Variants in TMEM178B observed in about 807,000 individuals in gnomAD.
TMEM178B encodes the protein transmembrane protein 178B.
In TMEM178B, 5 loss-of-function variants were observed where a neutral mutation model predicts 31.0. That is an observed-to-expected ratio of 0.16 (90% CI 0.08 to 0.34). The LOEUF is 0.34. Among genes scored for constraint, TMEM178B ranks in the 10% least tolerant of loss-of-function variants. TMEM178B has a pLI of 1.00. For missense variants in TMEM178B, 275 were observed against 400.3 expected (o/e 0.69, Z 2.67); for synonymous variants, 164 against 164.0 (o/e 1.00, Z 0.00).
chr7:141,482,837 G>A (rs1802499985), downstream of TMEM178B, among the ~76,000 whole-genome samples: 1 of 145,568 alleles, frequency 6.9e-6, no homozygotes, highest in Admixed American at 7.2e-5. Flanking sequence ...AATACTGTGA[G>A]AAAACATGGA....
chr7:141,406,104 A>G (rs1211707353), intron 2 of TMEM178B, among the ~76,000 whole-genome samples: 1 of 152,180 alleles, frequency 6.6e-6, no homozygotes, highest in Non-Finnish European at 1.5e-5. Flanking sequence ...TTCACTGCAC[A>G]TTGTATGTTA....
chr7:141,240,864 T>A (rs6464433), intron 2 of TMEM178B, among the ~76,000 whole-genome samples: 129,181 of 152,026 alleles, frequency 0.85, 55,090 homozygotes, highest in East Asian at 0.99. Flanking sequence ...CTAGCTTTTG[T>A]TAAGTTTTCT....
chr7:141,118,237 A>C (rs1167054169), intron 1 of TMEM178B, among the ~76,000 whole-genome samples: 1 of 152,006 alleles, frequency 6.6e-6, no homozygotes, highest in Non-Finnish European at 1.5e-5. Context: ...TTGGCCTCCA[A>C]CTCAAACTGG....
At chr7:141,326,627 T>G (rs1799194799) in intron 2 of TMEM178B, among the ~76,000 whole-genome samples, 1 of 152,180 alleles carries the variant, frequency 6.6e-6, no homozygotes, top group South Asian at 2.1e-4. Context: ...ATAAATAGTT[T>G]TATTGGAACA....
At chr7:141,387,583 A>G (rs1800456318) in intron 2 of TMEM178B, among the ~76,000 whole-genome samples, 1 of 152,298 alleles carries the variant, frequency 6.6e-6, no homozygotes, top group South Asian at 2.1e-4. Context: ...GCCATAGTCA[A>G]TCAGGATTTT....
chr7:141,146,613 A>G (rs1268580545), intron 1 of TMEM178B, among the ~76,000 whole-genome samples: 1 of 152,226 alleles, frequency 6.6e-6, no homozygotes, highest in African/African-American at 2.4e-5. Context: ...GCTATATAAC[A>G]ACCACTATCA....
intron 2 of TMEM178B, among the ~76,000 whole-genome samples, chr7:141,421,567 G>A (rs1801210616): frequency 6.6e-6 from 1 of 152,178 alleles, no homozygotes; most frequent in South Asian, 2.1e-4. Context: ...CCCTAGTTCT[G>A]CTGCTTCTAA....
intron 2 of TMEM178B, among the ~76,000 whole-genome samples, chr7:141,395,863 T>C (rs1214289724): frequency 6.6e-6 from 1 of 152,082 alleles, no homozygotes; most frequent in Non-Finnish European, 1.5e-5. Flanking sequence ...AAATACCACA[T>C]ATAATAAACA....
chr7:141,177,479 G>A (rs1409049761), intron 1 of TMEM178B, among the ~76,000 whole-genome samples: 4 of 152,162 alleles, frequency 2.6e-5, no homozygotes, highest in Non-Finnish European at 5.9e-5. Context: ...CTGGAGCTGA[G>A]TTCAAGTCCT....
At chr7:141,310,763 C>G (rs1215804274) in intron 2 of TMEM178B, among the ~76,000 whole-genome samples, 1 of 152,122 alleles carries the variant, frequency 6.6e-6, no homozygotes, top group Non-Finnish European at 1.5e-5. Context: ...AGACCTAGAA[C>G]CAGAAATACC....
intron 2 of TMEM178B, among the ~76,000 whole-genome samples, chr7:141,425,855 T>G (rs1411391255): frequency 2.6e-5 from 4 of 152,158 alleles, no homozygotes; most frequent in African/African-American, 4.8e-5. Context: ...GAGGAGGAAG[T>G]GTCAAGCCTG....
intron 2 of TMEM178B, among the ~76,000 whole-genome samples, chr7:141,391,396 T>C (rs1800537459): frequency 6.6e-6 from 1 of 152,032 alleles, no homozygotes; most frequent in Non-Finnish European, 1.5e-5. Context: ...AATCTCCTGA[T>C]CTCATTACCC....
rs568258168 is a variant in TMEM178B, at chr7:141,337,479, C to CA, written c.497-100122dup. Among the ~76,000 whole-genome samples, 20 of 152,026 alleles carry CA rather than the reference C, an allele frequency of 1.3e-4. No homozygotes were observed. In the East Asian group the frequency reaches 3.1e-3, roughly 24 times the overall value. On this transcript the variant is annotated intron_variant, in intron 2 of 3. Coordinates refer to ENST00000565468, the MANE Select transcript of TMEM178B (RefSeq NM_001195278.2). ...ACATGTAATTTACTCAGGTAATTGTCAAAAAAACTCTATGATATATTCAAA... is the reference window on the plus strand; with the variant it reads ...ACATGTAATTTACTCAGGTAATTGTCAAAAAAAACTCTATGATATATTCAAA...
intron 2 of TMEM178B, among the ~76,000 whole-genome samples, chr7:141,361,019 A>G (rs1195328841): frequency 6.6e-6 from 1 of 152,208 alleles, no homozygotes; most frequent in African/African-American, 2.4e-5. Flanking sequence ...CAATCAATGA[A>G]TAGGTCTTCT....
At chr7:141,424,323 A>G (rs1361473750) in intron 2 of TMEM178B, among the ~76,000 whole-genome samples, 1 of 152,218 alleles carries the variant, frequency 6.6e-6, no homozygotes, top group Admixed American at 6.5e-5. Context: ...GTTGGCCTGC[A>G]CTGGAGCTGC....
At chr7:141,434,315 T>C (rs1396487113) in intron 2 of TMEM178B, among the ~76,000 whole-genome samples, 2 of 152,196 alleles carry the variant, frequency 1.3e-5, no homozygotes, top group Non-Finnish European at 2.9e-5. Flanking sequence ...AGTACAGGCC[T>C]TCCAATGAGC....
In TMEM178B at chr7:141,131,429, T is replaced by C. The variant is rs181167358; in HGVS notation, c.382+56737T>C. Among the ~76,000 whole-genome samples the C allele has an allele frequency of 4.6e-5, 7 of 152,324 alleles. No homozygotes were observed. In the East Asian group the frequency reaches 1.4e-3, roughly 29 times the overall value. Reference sequence around the variant, plus strand: ...AGTGTAACTATCACCCAAAATAAGATGCAGAATGTTTCCATCAGCCCATTT... The same window carrying C: ...AGTGTAACTATCACCCAAAATAAGACGCAGAATGTTTCCATCAGCCCATTT... On this transcript the variant is annotated intron_variant, in intron 1 of 3. Coordinates refer to ENST00000565468, the MANE Select transcript of TMEM178B (RefSeq NM_001195278.2).
chr7:141,486,604 A>G, the TMEM178B span, among the ~76,000 whole-genome samples: 1 of 152,198 alleles, frequency 6.6e-6, no homozygotes, highest in Non-Finnish European at 1.5e-5. Context: ...AATGTGCTAT[A>G]TAGGGTTAAG....
chr7:141,201,243 C>T (rs1279777298), intron 1 of TMEM178B, among the ~76,000 whole-genome samples: 2 of 152,204 alleles, frequency 1.3e-5, no homozygotes, highest in Admixed American at 1.3e-4. Context: ...AGCTGTGACA[C>T]CAGACCTGGG....
Sources: gnomAD v4.1 joint callset for allele counts (sites outside exome capture counted in the v4.1 genomes callset) on GRCh38, gnomAD v4.1.1 for gene constraint, MANE v1.5 for transcripts, NCBI Gene and HGNC (gene_info 2026-07-23, HGNC 2026-07-21) for gene names.